The following WARS2 variants were observed in gnomAD, a reference collection of about 807,000 sequenced individuals.
WARS2 encodes the protein tryptophan--tRNA ligase, mitochondrial.
In WARS2, 28 loss-of-function variants were observed where a neutral mutation model predicts 36.5. The observed-to-expected ratio is 0.77, with a 90% confidence interval of 0.57 to 1.05. The LOEUF is 1.05. Ranked by LOEUF, WARS2 falls within the 50% of genes least tolerant of loss-of-function variation. The pLI is 0.00. For missense variants in WARS2, 435 were observed against 456.8 expected, an observed-to-expected ratio of 0.95 and a Z score of 0.44; for synonymous variants, 174 against 178.4, an observed-to-expected ratio of 0.98 and a Z score of 0.20.
In WARS2 at chr1:119,083,695, A is replaced by C. The variant is rs747609178; in HGVS notation, c.91-7088T>G. Among the ~76,000 whole-genome samples, 20 of 152,308 alleles carry C rather than the reference A, an allele frequency of 1.3e-4. 3 individuals carry two copies. The highest frequency in any genetic ancestry group is 4.8e-4 in the African/African-American group (20 of 41,570). On this transcript the variant is annotated intron_variant, in intron 1 of 5. Transcript: ENST00000235521. ...CATCACCTCAGGGCAGCTAATCTAT[A>C]TTTAAATGCAAAGGTTATACGTAAG...
At chr1:119,123,589 C>T (rs1431809145) in intron 1 of WARS2, among the ~76,000 whole-genome samples, 1 of 142,306 alleles carries the variant, frequency 7.0e-6, no homozygotes, top group African/African-American at 2.5e-5. Context: ...AGAGCATGCA[C>T]TTGTGTGCAT....
At chr1:119,120,088 AACAAAAAT>A (rs1655233036) in intron 1 of WARS2, among the ~76,000 whole-genome samples, 1 of 152,078 alleles carries the variant, frequency 6.6e-6, no homozygotes, top group East Asian at 1.9e-4. Flanking sequence ...AATTGAAACA[AACAAAAAT>A]ACAAACGATA....
rs117716405 is a variant in WARS2, at chr1:119,100,084, A to C, written c.91-23477T>G. Among the ~76,000 whole-genome samples the C allele has an allele frequency of 1.3e-4, 20 of 152,336 alleles. No homozygotes were observed. The East Asian group carries it at 3.9e-3, about 29-fold the overall frequency. On this transcript the variant is annotated intron_variant, in intron 1 of 5. Coordinates refer to ENST00000235521, the MANE Select transcript of WARS2 (RefSeq NM_015836.4). ...GGACTAATACCCAGAATATACAAGG[A>C]ACTCAGCTCAACAGCAAAACAAACA...
chr1:119,066,399 A>G (rs991725259), intron 2 of WARS2, among the ~76,000 whole-genome samples: 3 of 150,968 alleles, frequency 2.0e-5, no homozygotes, highest in Non-Finnish European at 2.9e-5. Context: ...AATGGCGTGA[A>G]CCTGGGAGGC....
At position 119,031,951 on chromosome 1, in the gene WARS2, T is replaced by A. The variant is rs1387101918; in HGVS notation, c.*960A>T. On this transcript the variant is annotated 3_prime_UTR_variant, in exon 6 of 6. Transcript: ENST00000235521. ...TGAATTGATGATATAAAAAACATCA[T>A]CAGTCGTTCCAACACCCACCTTCAA... 6.5e-6 allele frequency: 1 copy of A among 152,730 alleles called. No homozygotes were observed. The highest frequency in any genetic ancestry group is 1.5e-5 in the Non-Finnish European group (1 of 68,468). 9.5% of individuals were successfully genotyped at this position (152,730 alleles called of 1,614,324 possible). A position where few individuals can be genotyped will look rare whatever the true frequency, so the allele number is the denominator to read the frequency against.
At chr1:119,079,365 C>T (rs149126981) in intron 1 of WARS2, among the ~76,000 whole-genome samples, 1 of 152,098 alleles carries the variant, frequency 6.6e-6, no homozygotes, top group African/African-American at 2.4e-5. Context: ...GCCCTTTATA[C>T]GTATCAATAT....
intron 1 of WARS2, among the ~76,000 whole-genome samples, chr1:119,124,473 G>A (rs587606262): frequency 2.6e-4 from 39 of 152,260 alleles, no homozygotes; most frequent in African/African-American, 8.4e-4. Flanking sequence ...CTGGGTGACA[G>A]AGTGAGGCTC....
chr1:119,041,172 T>C (rs1307711221), intron 4 of WARS2, among the ~76,000 whole-genome samples: 1 of 152,176 alleles, frequency 6.6e-6, no homozygotes, highest in Non-Finnish European at 1.5e-5. Context: ...ATTATCAGAC[T>C]TCCATGCAAA....
chr1:119,079,834 T>C (rs1652051634), intron 1 of WARS2, among the ~76,000 whole-genome samples: 1 of 152,080 alleles, frequency 6.6e-6, no homozygotes, highest in Non-Finnish European at 1.5e-5. Flanking sequence ...ATATGAAAAA[T>C]ATCTTTCAGG....
intron 3 of WARS2, among the ~76,000 whole-genome samples, chr1:119,043,685 C>T (rs983508332): frequency 4.6e-5 from 7 of 152,172 alleles, no homozygotes; most frequent in Admixed American, 1.3e-4. Flanking sequence ...AATTTGGAAA[C>T]GTGCAAATTG....
At chr1:119,070,358 T>G (rs1476269897) in intron 2 of WARS2, among the ~76,000 whole-genome samples, 4 of 151,956 alleles carry the variant, frequency 2.6e-5, no homozygotes, top group Admixed American at 2.0e-4. Flanking sequence ...GCCTCCTGGG[T>G]TCACCCGATT....
chr1:119,047,171 C>T (rs1648926047), intron 2 of WARS2, among the ~76,000 whole-genome samples: 1 of 152,258 alleles, frequency 6.6e-6, no homozygotes, highest in African/African-American at 2.4e-5. Flanking sequence ...CAGAAACTAA[C>T]CCTGGATGTA....
intron 1 of WARS2, among the ~76,000 whole-genome samples, chr1:119,089,380 C>A (rs755967819): frequency 1.3e-5 from 2 of 152,074 alleles, no homozygotes; most frequent in South Asian, 4.1e-4. Context: ...ATAGTAAGTT[C>A]GAAGAATGAC....
At chr1:119,062,631 G>A (rs1349383182) in intron 2 of WARS2, among the ~76,000 whole-genome samples, 1 of 152,148 alleles carries the variant, frequency 6.6e-6, no homozygotes, top group Non-Finnish European at 1.5e-5. Context: ...GGACCCAAAG[G>A]GAGGTAATTG....
intron 4 of WARS2, among the ~76,000 whole-genome samples, chr1:119,038,125 G>A (rs565189467): frequency 3.2e-4 from 48 of 152,104 alleles, no homozygotes; most frequent in Non-Finnish European, 5.9e-4. Context: ...GATTTTCAGG[G>A]GCTGCAGCCT....
Position 119,065,290 on chromosome 1 carries a change from G to A in WARS2, c.348+11060C>T, listed in dbSNP as rs542084596. 2.0e-5 allele frequency among the ~76,000 whole-genome samples: 3 copies of A among 152,206 alleles called. No individual in the cohort carries two copies. The East Asian group carries it at 5.8e-4, about 29-fold the overall frequency. ...AATGTTTATATTAGAAAGAAGAATG[G>A]CTGAAAATTAATGAGGTCCACTCAA... On this transcript the variant is annotated intron_variant, in intron 2 of 5. Transcript: ENST00000235521.
At chr1:119,056,600 A>G (rs1355356457) in intron 2 of WARS2, among the ~76,000 whole-genome samples, 1 of 149,970 alleles carries the variant, frequency 6.7e-6, no homozygotes, top group Non-Finnish European at 1.5e-5. Flanking sequence ...GGCATACTTT[A>G]TAAACAATAA....
intron 1 of WARS2, 53 bp from the exon 2 acceptor site, chr1:119,076,660 C>T: frequency 1.2e-6 from 2 of 1,602,860 alleles, no homozygotes; most frequent in Non-Finnish European, 1.7e-6. Context: ...TCCCATGAAT[C>T]CTATGCCCAT....
At chr1:119,134,686 G>A (rs971247490) in intron 1 of WARS2, among the ~76,000 whole-genome samples, 1 of 152,198 alleles carries the variant, frequency 6.6e-6, no homozygotes, top group Non-Finnish European at 1.5e-5. Context: ...AGTCAAGCTG[G>A]AGTCAGCATA....
Sources: gnomAD v4.1 joint callset for allele counts (sites outside exome capture counted in the v4.1 genomes callset) on GRCh38, gnomAD v4.1.1 for gene constraint, MANE v1.5 for transcripts, NCBI Gene and HGNC (gene_info 2026-07-23, HGNC 2026-07-21) for gene names.